ARAP1: variants seen among roughly 807,000 people sequenced by gnomAD.
The protein encoded by ARAP1 is ArfGAP with RhoGAP domain, ankyrin repeat and PH domain 1.
ARAP1 carries 76 observed loss-of-function variants against 172.2 expected under a neutral mutation model. That is an observed-to-expected ratio of 0.44 (90% CI 0.37 to 0.53). The LOEUF is 0.53. Among genes scored for constraint, ARAP1 ranks in the 20% least tolerant of loss-of-function variants. The pLI is 0.00. For missense variants in ARAP1, 1,686 were observed against 1,977.5 expected (o/e 0.85, Z 2.80); for synonymous variants, 804 against 803.3 (o/e 1.00, Z -0.01).
intron 3 of ARAP1, among the ~76,000 whole-genome samples, chr11:72,719,997 A>T (rs996576935): frequency 1.2e-4 from 18 of 152,108 alleles, no homozygotes; most frequent in African/African-American, 4.3e-4. Flanking sequence ...GGCTCCCCAC[A>T]ATTCTGATCA....
Position 72,741,092 on chromosome 11 carries a change from C to T in ARAP1, c.-127-8495G>A, listed in dbSNP as rs1021543745. Among the ~76,000 whole-genome samples the T allele has an allele frequency of 6.6e-6, 1 of 152,192 alleles. No individual in the cohort carries two copies. Among genetic ancestry groups the T allele is most frequent in the African/African-American group, 2.4e-5 (1 of 41,444 alleles). On this transcript the variant is annotated intron_variant, in intron 1 of 34. Coordinates refer to ENST00000393609, the MANE Select transcript of ARAP1 (RefSeq NM_001040118.3). The surrounding 1 kb of genome is among the most constrained non-coding windows in gnomAD (Gnocchi z 4.5). ...CTGGCCCCACCACATACCCCCGACC[C>T]CTAATGGGTCTGGGGACCCCTGCCG...
At chr11:72,744,593 C>T (rs543045856) in intron 1 of ARAP1, among the ~76,000 whole-genome samples, 1 of 152,338 alleles carries the variant, frequency 6.6e-6, no homozygotes, top group East Asian at 1.9e-4. Context: ...AGAACCTAGC[C>T]AGGGCCGCAC....
At chr11:72,703,885 G>A (rs993472621) in intron 14 of ARAP1, 1 of 504,868 alleles carries the variant, frequency 2.0e-6, no homozygotes, top group Non-Finnish European at 3.5e-6. Context: ...AACCGGACGG[G>A]GTGCAGGAGA....
At chr11:72,721,675 A>T (rs1857516645) in intron 3 of ARAP1, among the ~76,000 whole-genome samples, 1 of 152,100 alleles carries the variant, frequency 6.6e-6, no homozygotes, top group Admixed American at 6.5e-5. Context: ...GCAGGGGAAA[A>T]AGAGAAGAAG....
intron 3 of ARAP1, among the ~76,000 whole-genome samples, chr11:72,724,222 G>A (rs114415300): frequency 1.5e-3 from 228 of 152,160 alleles, no homozygotes; most frequent in African/African-American, 5.3e-3. Flanking sequence ...ACACAGACTG[G>A]CCCAGACATG....
Position 72,726,640 on chromosome 11 carries a change from T to C in ARAP1, c.489A>G (p.Gly163=). 6.6e-7 allele frequency: 1 copy of C among 1,518,640 alleles called. No individual in the cohort carries two copies. Among genetic ancestry groups the C allele is most frequent in the East Asian group, 2.4e-5 (1 of 41,918 alleles). 94.1% of individuals were successfully genotyped at this position (1,518,640 alleles called of 1,614,324 possible). A position where few individuals can be genotyped will look rare whatever the true frequency, so the allele number is the denominator to read the frequency against. Residue 163 remains glycine (G), a synonymous_variant, in exon 3 of 35, where the codon GGA becomes GGG. Coordinates refer to ENST00000393609, the MANE Select transcript of ARAP1 (RefSeq NM_001040118.3). This position sits in a 1 kb window ranked among gnomAD's most constrained non-coding sequence, Gnocchi z 6.5. ...LSVPPVPPRT[G]PPRLLVSLPT... ...CTCACCTCACCAGCAGGCGGGGGGG[T>C]CCGGTGCGGGGCGGCACGGGTGGAA... is the stretch of plus-strand genomic sequence containing the variant.
Position 72,699,370 on chromosome 11 carries a change from A to G in ARAP1, c.2438+47T>C. 6.2e-7 allele frequency: 1 copy of G among 1,611,946 alleles called. No homozygotes were observed. The highest frequency in any genetic ancestry group is 8.5e-7 in the Non-Finnish European group (1 of 1,178,966). On this transcript the variant is annotated intron_variant, in intron 17 of 34. Transcript: ENST00000393609. This position sits in a 1 kb window ranked among gnomAD's most constrained non-coding sequence, Gnocchi z 4.2. ...TATTTCCCTGTCTCCCCAGTGGGGG[A>G]TTGTACCTTATAGCAACCACAGTCT...
At position 72,726,214 on chromosome 11, in the gene ARAP1, G is replaced by A. The variant is rs1245531224; in HGVS notation, c.509+406C>T. Among the ~76,000 whole-genome samples, 3 of 151,900 alleles carry A rather than the reference G, an allele frequency of 2.0e-5. No homozygotes were observed. Among genetic ancestry groups the A allele is most frequent in the Middle Eastern group, 3.2e-3 (1 of 316 alleles). On this transcript the variant is annotated intron_variant, in intron 3 of 34. Coordinates refer to ENST00000393609, the MANE Select transcript of ARAP1 (RefSeq NM_001040118.3). The surrounding 1 kb of genome is among the most constrained non-coding windows in gnomAD (Gnocchi z 6.5). ...CCCCAACCCTACCCCGCAGCTTTCC[G>A]TTTCCTACACATGTTGCCTCTTGAT...
rs1307053592 is a variant in ARAP1 at position 72,712,541 on chromosome 11, G to A, written c.775C>T (p.Arg259Trp). 6.2e-7 allele frequency: 1 copy of A among 1,613,410 alleles called. No homozygotes were observed. The highest frequency in any genetic ancestry group is 8.5e-7 in the Non-Finnish European group (1 of 1,179,930). The change falls in exon 6 of 35, where the codon CGG becomes TGG. Residue 259 changes from arginine to tryptophan, a missense_variant. By Grantham distance (101) the Arg-to-Trp change is moderately radical. This residue lies in a region of ARAP1 where 688 missense variants were observed against 856.9 expected (regional missense o/e 0.80). Transcript: ENST00000393609. ...AGCAGACTGGCCACGCGCACGGCCCGTGGGACTCGGCTCGGTGGGGGCTCC... is the reference window on the plus strand; with the variant it reads ...AGCAGACTGGCCACGCGCACGGCCCATGGGACTCGGCTCGGTGGGGGCTCC... ...KEEPPPSRVP[R>W]AVRVASLLSE...
chr11:72,707,206 G>A lies in ARAP1; in HGVS notation c.1692C>T (p.Asn564=). The part of the protein sequence containing the change: ...GAPQPDWASI[N]LCVVICKRCA... Reference sequence around the variant, plus strand: ...AGCGCTTGCAGATAACAACACAGAGGTTGATGGAGGCCCAGTCAGGCTGAG... The same window carrying A: ...AGCGCTTGCAGATAACAACACAGAGATTGATGGAGGCCCAGTCAGGCTGAG... Residue 564 remains asparagine, a synonymous_variant, in exon 12 of 35, where the codon AAC becomes AAT. Transcript: ENST00000393609. 6.2e-7 allele frequency: 1 copy of A among 1,601,350 alleles called. No homozygotes were observed. The highest frequency in any genetic ancestry group is 8.5e-7 in the Non-Finnish European group (1 of 1,173,928).
intron 22 of ARAP1, 23 bp from the exon 23 acceptor site, chr11:72,696,677 G>C: frequency 1.3e-6 from 2 of 1,555,208 alleles, no homozygotes; most frequent in Admixed American, 1.9e-5. Flanking sequence ...GATAAATCAA[G>C]TCAGAAACCC....
chr11:72,721,349 A>G (rs1262280914), intron 3 of ARAP1, among the ~76,000 whole-genome samples: 3 of 152,192 alleles, frequency 2.0e-5, no homozygotes, highest in African/African-American at 7.2e-5. Flanking sequence ...CCATCTCCCC[A>G]TCACCCTGGT....
At chr11:72,731,293 A>G (rs1032933984) in intron 2 of ARAP1, among the ~76,000 whole-genome samples, 4 of 152,178 alleles carry the variant, frequency 2.6e-5, no homozygotes, top group Non-Finnish European at 4.4e-5. Flanking sequence ...GTGACCCCCA[A>G]TGTTGGAGGT....
chr11:72,712,985 G>A (rs573659483), intron 5 of ARAP1, 191 bp downstream of exon 5: 8 of 651,208 alleles, frequency 1.2e-5, no homozygotes, highest in East Asian at 5.5e-5. Context: ...CCAGAGCCCC[G>A]ACCCCTGGCC....
rs960658109 is a variant in ARAP1 at position 72,710,203 on chromosome 11, G to A, written c.1416+182C>T. On this transcript the variant is annotated intron_variant, in intron 10 of 34. Transcript: ENST00000393609. The surrounding 1 kb of genome is among the most constrained non-coding windows in gnomAD (Gnocchi z 4.3). The stretch of plus-strand genomic sequence containing the variant: ...AGCAAGGGCCAGGGCAGGGACTGGA[G>A]GGCAGTGCTCAGAGCCTGGGGGAAG... Among the ~76,000 whole-genome samples, 1 of 152,056 alleles carries A rather than the reference G, an allele frequency of 6.6e-6. No homozygotes were observed. Among genetic ancestry groups the A allele is most frequent in the African/African-American group, 2.4e-5 (1 of 41,388 alleles).
chr11:72,744,637 C>T (rs73543245), intron 1 of ARAP1, among the ~76,000 whole-genome samples: 2,386 of 152,306 alleles, frequency 0.016, 59 homozygotes, highest in African/African-American at 0.055. Flanking sequence ...GACCTTGGCC[C>T]CCGAGCCTGA....
In ARAP1 at chr11:72,725,295, CCTCTCTCTCT is replaced by C. The variant is rs10570876; in HGVS notation, c.509+1315_509+1324del. On this transcript the variant is annotated intron_variant, in intron 3 of 34. Transcript: ENST00000393609. The surrounding 1 kb of genome is among the most constrained non-coding windows in gnomAD (Gnocchi z 4.3). Reference sequence around the variant, plus strand: ...TTCTCTATCCTCTTCTCTCTTCTAACCTCTCTCTCTCTCTCTCTCTCTCTTTTTCTCTCTC... The same window carrying C: ...TTCTCTATCCTCTTCTCTCTTCTAACCTCTCTCTCTCTCTTTTTCTCTCTC... 3.4e-5 allele frequency among the ~76,000 whole-genome samples: 5 copies of C among 147,974 alleles called. No homozygotes were observed. In the East Asian group the frequency reaches 9.9e-4, roughly 29 times the overall value.
chr11:72,701,604 T>G (rs762136727), intron 16 of ARAP1, 45 bp downstream of exon 16: 2 of 1,589,946 alleles, frequency 1.3e-6, no homozygotes, highest in East Asian at 4.5e-5. Flanking sequence ...CCTGCAGCCG[T>G]GACCAGATGC....
In ARAP1 at chr11:72,725,468, G is replaced by A. The variant is rs754756722; in HGVS notation, c.509+1152C>T. ...AGGTTCCTGGAGAGACCCTATACCT[G>A]TTACGAGTTGTGTGAACCCAGGAAG... On this transcript the variant is annotated intron_variant, in intron 3 of 34. Transcript: ENST00000393609. This position sits in a 1 kb window ranked among gnomAD's most constrained non-coding sequence, Gnocchi z 4.3. Among the ~76,000 whole-genome samples the A allele has an allele frequency of 1.3e-5, 2 of 152,074 alleles. No individual in the cohort carries two copies. The highest frequency in any genetic ancestry group is 2.9e-5 in the Non-Finnish European group (2 of 68,010).
Sources: allele counts gnomAD v4.1 joint callset (sites outside exome capture counted in the v4.1 genomes callset), GRCh38; gene constraint gnomAD v4.1.1; regional missense constraint gnomAD v4.1.1; non-coding constraint Gnocchi (gnomAD v3.1); transcripts MANE v1.5; gene names NCBI Gene and HGNC (gene_info 2026-07-23, HGNC 2026-07-21).